Variants in MAP3K8 observed in about 807,000 individuals in gnomAD.
MAP3K8 encodes Ewing sarcoma transformant.
A neutral mutation model predicts 45.8 loss-of-function variants in MAP3K8; 22 were observed. That is an observed-to-expected ratio of 0.48 (90% CI 0.34 to 0.69). MAP3K8 has a LOEUF of 0.69. MAP3K8 is among the 30% of genes least tolerant of loss of function. The pLI is 0.01. For missense variants in MAP3K8, 419 were observed against 585.0 expected (o/e 0.72, Z 2.93); for synonymous variants, 223 against 214.3 (o/e 1.04, Z -0.36).
intron 7 of MAP3K8, among the ~76,000 whole-genome samples, chr10:30,458,832 T>C (rs1244557618): frequency 6.6e-6 from 1 of 152,178 alleles, no homozygotes; most frequent in African/African-American, 2.4e-5. Flanking sequence ...CTCAGCACTT[T>C]AGAAAGCCAA....
rs748407245 is a variant in MAP3K8 at position 30,460,871 on chromosome 10, T to G, written c.*35T>G. 1 of 1,610,336 alleles carries G rather than the reference T, an allele frequency of 6.2e-7. No individual in the cohort carries two copies. The highest frequency in any genetic ancestry group is 1.1e-5 in the South Asian group (1 of 90,942). Reference sequence around the variant, plus strand: ...TGTTTGCTCTAAATTAAGACAGCATTGATCTCCTGGAGGCTGGTTCTGCTG... The same window carrying G: ...TGTTTGCTCTAAATTAAGACAGCATGGATCTCCTGGAGGCTGGTTCTGCTG... On this transcript the variant is annotated 3_prime_UTR_variant, in exon 9 of 9. Transcript: ENST00000263056.
At chr10:30,458,265 CGGCGGGGGGG>C in intron 7 of MAP3K8, 29 bp downstream of exon 7, 1 of 405,644 alleles carries the variant, frequency 2.5e-6, no homozygotes, top group Non-Finnish European at 3.7e-6. Context: ...GGGCTGGGGG[CGGCGGGGGGG>C]GGCGTTGAGT....
intron 2 of MAP3K8, among the ~76,000 whole-genome samples, chr10:30,437,756 T>G (rs1381672961): frequency 6.6e-6 from 1 of 152,228 alleles, no homozygotes; most frequent in African/African-American, 2.4e-5. Flanking sequence ...AGCTCCAGAT[T>G]GATCAGACGT....
chr10:30,437,615 C>T (rs187041556), intron 2 of MAP3K8, among the ~76,000 whole-genome samples: 2 of 152,296 alleles, frequency 1.3e-5, no homozygotes, highest in Admixed American at 6.5e-5. Context: ...CAGAAAATGA[C>T]CATCAAGTAA....
In MAP3K8 at chr10:30,451,724, A is replaced by G. The variant is rs1305400973; in HGVS notation, c.853A>G (p.Lys285Glu). Residue 285 changes from lysine to glutamate, a missense_variant, in exon 6 of 9, where the codon AAG (lysine) becomes GAG (glutamate). Around this residue, in one of 3 missense-constraint regions of MAP3K8, gnomAD observed 209 missense variants for 367.3 expected, o/e 0.57. Coordinates refer to ENST00000263056, the MANE Select transcript of MAP3K8 (RefSeq NM_005204.4). The part of the protein sequence containing the change: ...VQMTEDVYFP[K>E]DLRGTEIYMS... ...AATGACCGAAGATGTCTATTTTCCT[A>G]AGGACCTCCGAGGAACAGAGGTAAT... 2.5e-6 allele frequency: 4 copies of G among 1,584,244 alleles called. No homozygotes were observed. Among genetic ancestry groups the G allele is most frequent in the Non-Finnish European group, 3.4e-6 (4 of 1,160,366 alleles).
intron 3 of MAP3K8, among the ~76,000 whole-genome samples, chr10:30,444,007 G>C (rs1042116131): frequency 2.7e-5 from 4 of 150,292 alleles, no homozygotes; most frequent in Non-Finnish European, 5.9e-5. Context: ...GGGCAACATA[G>C]TGAGACCCCC....
At chr10:30,443,664 G>A (rs150478514) in intron 3 of MAP3K8, among the ~76,000 whole-genome samples, 14 of 152,292 alleles carry the variant, frequency 9.2e-5, no homozygotes, top group Non-Finnish European at 1.3e-4. Context: ...AATATAGATC[G>A]ATACCATGTC....
intron 3 of MAP3K8, among the ~76,000 whole-genome samples, chr10:30,446,951 A>C (rs1465207595): frequency 6.6e-5 from 10 of 152,154 alleles, no homozygotes; most frequent in African/African-American, 2.2e-4. Flanking sequence ...AAGTCTCGCT[A>C]TGTTGCCTAG....
intron 4 of MAP3K8, 55 bp downstream of exon 4, chr10:30,448,004 G>GT (rs936938625): frequency 5.9e-6 from 9 of 1,514,722 alleles, no homozygotes; most frequent in East Asian, 2.3e-5. Flanking sequence ...TCTGGCTTTT[G>GT]TTTTTTTGTC....
rs1022851487 is a variant in MAP3K8, at chr10:30,450,222, G to T, written c.505-36G>T. 10 of 1,547,346 alleles carry T rather than the reference G, an allele frequency of 6.5e-6. No individual in the cohort carries two copies. The African/African-American group carries it at 9.7e-5, about 15-fold the overall frequency. ...TTTATATTTTTAAGATGACTTTGGG[G>T]TTATTTAGAATCTCGCTTGTATTTT... On this transcript the variant is annotated intron_variant, in intron 4 of 8. Coordinates refer to ENST00000263056, the MANE Select transcript of MAP3K8 (RefSeq NM_005204.4).
intron 2 of MAP3K8, among the ~76,000 whole-genome samples, chr10:30,438,435 C>T (rs1835982300): frequency 6.6e-6 from 1 of 152,198 alleles, no homozygotes; most frequent in East Asian, 1.9e-4. Flanking sequence ...GCCAAGTTAG[C>T]TCCTGCATTT....
intron 7 of MAP3K8, 38 bp downstream of exon 7, chr10:30,458,274 G>A (rs765408908): frequency 7.3e-7 from 1 of 1,364,392 alleles, no homozygotes. Flanking sequence ...GCGGCGGGGG[G>A]GGGCGTTGAG....
Position 30,450,468 on chromosome 10 carries a change from A to G in MAP3K8, c.715A>G (p.Lys239Glu). 6.2e-7 allele frequency: 1 copy of G among 1,614,154 alleles called. No homozygotes were observed. The highest frequency in any genetic ancestry group is 8.5e-7 in the Non-Finnish European group (1 of 1,179,984). ...EIIWVTKHVL[K>E]GLDFLHSKKV... ...TATTTGGGTGACAAAGCATGTTCTCAAGGGACTTGATTTTCTACACTCAAA... is the reference window on the plus strand; with the variant it reads ...TATTTGGGTGACAAAGCATGTTCTCGAGGGACTTGATTTTCTACACTCAAA... The change falls in exon 5 of 9, where the codon AAG becomes GAG. Residue 239 changes from lysine (K) to glutamate (E), a missense_variant. Physicochemically the swap from Lys to Glu is moderately conservative, Grantham distance 56. Around this residue, in one of 3 missense-constraint regions of MAP3K8, gnomAD observed 209 missense variants for 367.3 expected, o/e 0.57. Transcript: ENST00000263056.
At chr10:30,443,097 G>C (rs1490896419) in intron 3 of MAP3K8, among the ~76,000 whole-genome samples, 2 of 151,972 alleles carry the variant, frequency 1.3e-5, no homozygotes, top group Non-Finnish European at 2.9e-5. Context: ...CTACTTATTG[G>C]CCATTAAAAA....
intron 1 of MAP3K8, chr10:30,434,726 G>T (rs769021715): frequency 2.0e-6 from 2 of 985,458 alleles, no homozygotes; most frequent in African/African-American, 1.7e-5. Context: ...CTGGACGGCC[G>T]CACTCTCCCT....
chr10:30,449,376 CT>C (rs1312872363), intron 4 of MAP3K8, among the ~76,000 whole-genome samples: 1 of 152,168 alleles, frequency 6.6e-6, no homozygotes, highest in African/African-American at 2.4e-5. Flanking sequence ...TCCCAAGTAC[CT>C]GGGATTACAG....
intron 3 of MAP3K8, among the ~76,000 whole-genome samples, chr10:30,446,132 G>A (rs920757936): frequency 7.9e-5 from 12 of 152,072 alleles, no homozygotes; most frequent in African/African-American, 2.9e-4. Flanking sequence ...GCCTCAAGTA[G>A]TCTTCCCACC....
Position 30,437,389 on chromosome 10 carries a change from T to C in MAP3K8, c.-41T>C, listed in dbSNP as rs1835948878. The C allele has an allele frequency of 1.2e-6, 1 of 811,384 alleles. No individual in the cohort carries two copies. Among genetic ancestry groups the C allele is most frequent in the African/African-American group, 1.9e-5 (1 of 53,768 alleles). The allele number at this position is 811,384 out of a possible 1,614,324, so 50.3% of individuals were successfully genotyped here. On this transcript the variant is annotated 5_prime_UTR_variant, in exon 2 of 9. Coordinates refer to ENST00000263056, the MANE Select transcript of MAP3K8 (RefSeq NM_005204.4). ...TTATGAGCTTGAACTCTGTTAATCC[T>C]CACGACCACCTCATGAGGTAGGTGC...
In MAP3K8 at chr10:30,434,385, CA is replaced by C; in HGVS notation, c.-255+8del. 1 of 921,618 alleles carries C rather than the reference CA, an allele frequency of 1.1e-6. No individual in the cohort carries two copies. Among genetic ancestry groups the C allele is most frequent in the Non-Finnish European group, 1.3e-6 (1 of 771,624 alleles). 57.1% of individuals were successfully genotyped at this position (921,618 alleles called of 1,614,324 possible). Reference sequence around the variant, plus strand: ...GGGAGCGCCAAGGCCGCAGGTAATCCAGGGTTGGGGGTCTCCGGCGTGTCTT... The same window carrying C: ...GGGAGCGCCAAGGCCGCAGGTAATCCGGGTTGGGGGTCTCCGGCGTGTCTT... On this transcript the variant is annotated splice_region_variant and intron_variant, in intron 1 of 8. Transcript: ENST00000263056.
Sources: allele counts gnomAD v4.1 joint callset (sites outside exome capture counted in the v4.1 genomes callset), GRCh38; gene constraint gnomAD v4.1.1; regional missense constraint gnomAD v4.1.1; transcripts MANE v1.5; gene names NCBI Gene and HGNC (gene_info 2026-07-23, HGNC 2026-07-21).